FAM169A: variants seen among roughly 807,000 people sequenced by gnomAD.
FAM169A encodes soluble lamin-associated protein of 75 kDa.
A neutral mutation model predicts 75.7 loss-of-function variants in FAM169A; 24 were observed. The observed-to-expected ratio is 0.32, with a 90% CI of 0.23 to 0.45. FAM169A has a LOEUF of 0.45. FAM169A is among the 20% of genes least tolerant of loss of function. The pLI is 1.00. For missense variants in FAM169A, 673 were observed against 784.0 expected (o/e 0.86, Z 1.69); for synonymous variants, 271 against 271.0 (o/e 1.00, Z 0.00).
chr5:74,793,932 G>A (rs1167952674), intron 11 of FAM169A, among the ~76,000 whole-genome samples: 5 of 150,468 alleles, frequency 3.3e-5, no homozygotes, highest in Admixed American at 6.6e-5. Context: ...GAACCCAGGA[G>A]GCAGAGCTTG....
At chr5:74,846,072 T>C (rs1340090474) in intron 1 of FAM169A, among the ~76,000 whole-genome samples, 2 of 152,234 alleles carry the variant, frequency 1.3e-5, no homozygotes, top group African/African-American at 4.8e-5. Flanking sequence ...GTTTTTCTTC[T>C]CTTATGGACA....
At chr5:74,799,705 C>T in intron 10 of FAM169A, 2 of 1,247,354 alleles carry the variant, frequency 1.6e-6, no homozygotes, top group Non-Finnish European at 2.4e-6. Flanking sequence ...AAAAAGTGTG[C>T]ATGTCTCAAT....
At chr5:74,866,853 A>T (rs1012804272), upstream of FAM169A, 2 of 985,478 alleles carry the variant, frequency 2.0e-6, no homozygotes, top group African/African-American at 3.5e-5. Flanking sequence ...GCCTCGGGAC[A>T]GGGGTGCAGA....
rs895168859 is a variant in FAM169A at position 74,780,135 on chromosome 5, A to C, written c.*1325T>G. The stretch of plus-strand genomic sequence containing the variant: ...AACAGTTCAGTGTTTTTTTTCTTCA[A>C]ATTTTCCTAGGCCTTTGTTATGGCA... On this transcript the variant is annotated 3_prime_UTR_variant, in exon 13 of 13. Coordinates refer to ENST00000687041, the MANE Select transcript of FAM169A (RefSeq NM_001376049.1). The C allele has an allele frequency of 1.3e-5, 2 of 152,146 alleles. No homozygotes were observed. The highest frequency in any genetic ancestry group is 2.4e-5 in the African/African-American group (1 of 41,438). 9.4% of individuals were successfully genotyped at this position (152,146 alleles called of 1,614,324 possible).
chr5:74,834,838 A>G (rs1748485728), intron 4 of FAM169A, among the ~76,000 whole-genome samples: 1 of 152,102 alleles, frequency 6.6e-6, no homozygotes, highest in Admixed American at 6.6e-5. Context: ...AAAATTCTAA[A>G]TCGGGCAAAA....
intron 1 of FAM169A, among the ~76,000 whole-genome samples, chr5:74,857,208 A>G (rs1749757393): frequency 6.6e-6 from 1 of 152,010 alleles, no homozygotes; most frequent in African/African-American, 2.4e-5. Flanking sequence ...TACACCAGAT[A>G]AGGAACTGAA....
intron 5 of FAM169A, among the ~76,000 whole-genome samples, chr5:74,827,253 C>T (rs1169564741): frequency 2.0e-5 from 3 of 152,208 alleles, no homozygotes; most frequent in Middle Eastern, 3.4e-3. Flanking sequence ...AACTATTACA[C>T]CCTTCTTTTA....
intron 4 of FAM169A, 68 bp downstream of exon 4, chr5:74,838,897 T>A (rs1031307240): frequency 6.6e-6 from 7 of 1,056,994 alleles, no homozygotes; most frequent in Non-Finnish European, 1.0e-5. Flanking sequence ...TCAAAAACTA[T>A]CACTGTTTAC....
chr5:74,786,908 G>A (rs1431299839), intron 11 of FAM169A, among the ~76,000 whole-genome samples: 2 of 152,220 alleles, frequency 1.3e-5, no homozygotes, highest in East Asian at 3.8e-4. Context: ...GGACCCTGAT[G>A]ATGCTGGGGA....
At position 74,803,479 on chromosome 5, in the gene FAM169A, CAAAT is replaced by C. The variant is rs1333144190; in HGVS notation, c.912+1010_912+1013del. Among the ~76,000 whole-genome samples, 18 of 152,216 alleles carry C rather than the reference CAAAT, an allele frequency of 1.2e-4. No homozygotes were observed. The East Asian group carries it at 2.3e-3, about 20-fold the overall frequency. ...TGCTAATTGAGACAGAAAATAAGCA[CAAAT>C]AATTCCCTAAAGCAGTTGTTTCTAA... is the stretch of plus-strand genomic sequence containing the variant. On this transcript the variant is annotated intron_variant, in intron 8 of 12. Coordinates refer to ENST00000687041, the MANE Select transcript of FAM169A (RefSeq NM_001376049.1).
intron 11 of FAM169A, among the ~76,000 whole-genome samples, chr5:74,789,812 AG>A (rs1745883641): frequency 6.6e-6 from 1 of 152,180 alleles, no homozygotes; most frequent in Admixed American, 6.5e-5. Context: ...ATCGCAGTGG[AG>A]GCCTCTAAGA....
chr5:74,822,533 CT>C (rs1374647796), intron 5 of FAM169A, among the ~76,000 whole-genome samples: 2 of 152,172 alleles, frequency 1.3e-5, no homozygotes, highest in Non-Finnish European at 2.9e-5. Context: ...TCAGGAGACA[CT>C]ACCTTTTGCC....
chr5:74,805,351 A>G (rs1746811706), intron 6 of FAM169A, 67 bp from the exon 7 acceptor site: 1 of 1,512,624 alleles, frequency 6.6e-7, no homozygotes, highest in Admixed American at 1.8e-5. Flanking sequence ...CAGGAGTTGA[A>G]AAGTAAGCTT....
rs112817229 is a variant in FAM169A, at chr5:74,809,513, G to A, written c.671-4229C>T. On this transcript the variant is annotated intron_variant, in intron 6 of 12. Transcript: ENST00000687041. ...TGGGAGGCTGAGACAGGAGAATGGCGTGAACATGGGAGGCAGAGCTTGCAG... is the reference window on the plus strand; with the variant it reads ...TGGGAGGCTGAGACAGGAGAATGGCATGAACATGGGAGGCAGAGCTTGCAG... Among the ~76,000 whole-genome samples the A allele has an allele frequency of 1.5e-3, 231 of 152,216 alleles. 1 individual carries two copies. Among genetic ancestry groups the A allele is most frequent in the African/African-American group, 5.3e-3 (219 of 41,532 alleles).
intron 1 of FAM169A, among the ~76,000 whole-genome samples, chr5:74,856,650 G>C (rs1749721117): frequency 6.6e-6 from 1 of 151,746 alleles, no homozygotes; most frequent in Non-Finnish European, 1.5e-5. Context: ...CAAAAAAGAA[G>C]ACCTTGAGAT....
rs1488566417 is a variant in FAM169A at position 74,781,807 on chromosome 5, C to A, written c.1666G>T (p.Val556Phe). 6.2e-7 allele frequency: 1 copy of A among 1,614,064 alleles called. No individual in the cohort carries two copies. The highest frequency in any genetic ancestry group is 1.1e-5 in the South Asian group (1 of 91,076). The change falls in exon 13 of 13, where the codon GTC (valine) becomes TTC (phenylalanine). Residue 556 changes from valine to phenylalanine, a missense_variant. Coordinates refer to ENST00000687041, the MANE Select transcript of FAM169A (RefSeq NM_001376049.1). Reference sequence around the variant, plus strand: ...GTATTAGGAGACAAATTCTCAGAGACCGGTTCTTCGGAAAATTCAGCTATC... The same window carrying A: ...GTATTAGGAGACAAATTCTCAGAGAACGGTTCTTCGGAAAATTCAGCTATC... The part of the protein sequence containing the change: ...SVIAEFSEEP[V>F]SENLSPNTTS...
rs1473883048 is a variant in FAM169A at position 74,840,401 on chromosome 5, T to A, written c.133-228A>T. Among the ~76,000 whole-genome samples the A allele has an allele frequency of 2.0e-5, 3 of 152,046 alleles. No individual in the cohort carries two copies. The East Asian group carries it at 5.8e-4, about 29-fold the overall frequency. ...AAAAGTTGTTTCATAAATATTATTA[T>A]GTATCTAGCCACACATCTGAATAAA... On this transcript the variant is annotated intron_variant, in intron 2 of 12. Coordinates refer to ENST00000687041, the MANE Select transcript of FAM169A (RefSeq NM_001376049.1).
chr5:74,804,948 G>C lies in FAM169A; in HGVS notation c.799+208C>G, dbSNP rs920108028. Among the ~76,000 whole-genome samples, 4 of 152,068 alleles carry C rather than the reference G, an allele frequency of 2.6e-5. No individual in the cohort carries two copies. In the East Asian group the frequency reaches 7.7e-4, roughly 29 times the overall value. On this transcript the variant is annotated intron_variant, in intron 7 of 12. Transcript: ENST00000687041. The stretch of plus-strand genomic sequence containing the variant: ...TGTTCTAGGTCTCCTTGTTACTAAG[G>C]ACTCAAAAGTTAATACATTACCAAA...
At chr5:74,859,911 A>T (rs771751132) in intron 1 of FAM169A, among the ~76,000 whole-genome samples, 9 of 152,146 alleles carry the variant, frequency 5.9e-5, no homozygotes, top group Non-Finnish European at 8.8e-5. Flanking sequence ...GTGGGTGTAG[A>T]GAGATAATAA....
Sources: allele counts gnomAD v4.1 joint callset (sites outside exome capture counted in the v4.1 genomes callset), GRCh38; gene constraint gnomAD v4.1.1; transcripts MANE v1.5; gene names NCBI Gene and HGNC (gene_info 2026-07-23, HGNC 2026-07-21).